CACNA1E: variants seen among roughly 807,000 people sequenced by gnomAD.
CACNA1E encodes the protein voltage-dependent R-type calcium channel subunit alpha-1E.
CACNA1E carries 40 observed loss-of-function variants against 259.2 expected under a neutral mutation model. That is an observed-to-expected ratio of 0.15 (90% CI 0.12 to 0.20). The LOEUF (loss-of-function observed/expected upper bound fraction) is 0.20, where lower values mean the gene tolerates loss of function less well. CACNA1E is among the 10% of genes least tolerant of loss of function. The pLI is 1.00. For synonymous variants in CACNA1E, 1,104 were observed against 1,138.5 expected, an observed-to-expected ratio of 0.97 and a Z score of 0.61; for missense variants, 1,874 against 3,040.1, an observed-to-expected ratio of 0.62 and a Z score of 9.02.
chr1:181,663,897 A>G (rs1392368914), intron 7 of CACNA1E, among the ~76,000 whole-genome samples: 1 of 152,234 alleles, frequency 6.6e-6, no homozygotes, highest in Non-Finnish European at 1.5e-5. Flanking sequence ...TAGTAAGGAT[A>G]TTAACCTTTT....
chr1:181,462,610 G>A (rs1434129981), intron 2 of CACNA1E, among the ~76,000 whole-genome samples: 2 of 152,082 alleles, frequency 1.3e-5, no homozygotes, highest in Non-Finnish European at 2.9e-5. Context: ...CATTTTGTAT[G>A]CTCATTCTTT....
chr1:181,547,761 T>G (rs1046391141), intron 3 of CACNA1E, among the ~76,000 whole-genome samples: 3 of 152,262 alleles, frequency 2.0e-5, no homozygotes, highest in Non-Finnish European at 4.4e-5. Flanking sequence ...ATTAGCACTT[T>G]ATTATAGCTT....
At chr1:181,718,432 G>A (rs932742201) in intron 12 of CACNA1E, among the ~76,000 whole-genome samples, 10 of 151,938 alleles carry the variant, frequency 6.6e-5, no homozygotes, top group East Asian at 1.9e-4. Context: ...GTATAGCTCC[G>A]TGAGAGTTTA....
chr1:181,755,844 T>C, intron 28 of CACNA1E, 112 bp from the exon 29 acceptor site: 3 of 1,118,788 alleles, frequency 2.7e-6, no homozygotes, highest in South Asian at 1.6e-5. Context: ...GCCTTACACA[T>C]GTATGGTGAT....
chr1:181,388,660 G>A (rs543652335), intron 1 of CACNA1E, among the ~76,000 whole-genome samples: 8 of 152,242 alleles, frequency 5.3e-5, no homozygotes, highest in African/African-American at 9.6e-5. Flanking sequence ...AGGTTGAGGC[G>A]GGTGGATCAC....
intron 16 of CACNA1E, among the ~76,000 whole-genome samples, chr1:181,723,923 G>C (rs750853522): frequency 1.3e-5 from 2 of 152,114 alleles, no homozygotes; most frequent in African/African-American, 4.8e-5. Context: ...GATTGTTATG[G>C]AGTCTTCATT....
chr1:181,741,445 A>G (rs1572762148), intron 25 of CACNA1E, among the ~76,000 whole-genome samples: 2 of 152,340 alleles, frequency 1.3e-5, no homozygotes, highest in South Asian at 4.1e-4. Context: ...TCATCCTTCC[A>G]TTCTCTTATC....
intron 30 of CACNA1E, among the ~76,000 whole-genome samples, chr1:181,757,685 A>G (rs1051733932): frequency 2.6e-5 from 4 of 152,214 alleles, no homozygotes; most frequent in Non-Finnish European, 2.9e-5. Context: ...CTGCCTAAAC[A>G]GCTCAGCCAC....
At chr1:181,508,570 G>C (rs1665914273) in intron 1 of CACNA1E, among the ~76,000 whole-genome samples, 1 of 152,208 alleles carries the variant, frequency 6.6e-6, no homozygotes, top group Non-Finnish European at 1.5e-5. Flanking sequence ...CTGGGTCCTT[G>C]TGTGGTTCCT....
chr1:181,470,160 T>C (rs1191322796), intron 2 of CACNA1E, among the ~76,000 whole-genome samples: 4 of 149,126 alleles, frequency 2.7e-5, no homozygotes, highest in African/African-American at 7.7e-5. Flanking sequence ...AGCTGCTTGA[T>C]TTATTTTAAT....
At chr1:181,419,532 T>C (rs1477483158) in intron 2 of CACNA1E, among the ~76,000 whole-genome samples, 1 of 152,208 alleles carries the variant, frequency 6.6e-6, no homozygotes, top group Non-Finnish European at 1.5e-5. Flanking sequence ...TCATAGCCCT[T>C]ATTGTTTCCC....
rs1319251128 is a variant in CACNA1E at position 181,758,125 on chromosome 1, G to A, written c.4494+14G>A. The A allele has an allele frequency of 6.2e-7, 1 of 1,611,454 alleles. No homozygotes were observed. The highest frequency in any genetic ancestry group is 1.7e-5 in the Admixed American group (1 of 59,938). On this transcript the variant is annotated intron_variant, in intron 31 of 47. Transcript: ENST00000367573. The surrounding 1 kb of genome is among the most constrained non-coding windows in gnomAD (Gnocchi z 4.2). Reference sequence around the variant, plus strand: ...CTGATGATGAAGGTGAGAGGAGAGAGGCACAAGAGCCGACTGAGCCCCAGC... The same window carrying A: ...CTGATGATGAAGGTGAGAGGAGAGAAGCACAAGAGCCGACTGAGCCCCAGC...
rs112330348 is a variant in CACNA1E, at chr1:181,575,580, C to T, written c.513-2186C>T. 6.5e-3 allele frequency among the ~76,000 whole-genome samples: 996 copies of T among 152,278 alleles called. 14 individuals carry two copies. Among genetic ancestry groups the T allele is most frequent in the African/African-American group, 0.023 (969 of 41,542 alleles). The stretch of plus-strand genomic sequence containing the variant: ...TTTGCCTTTTAATTTTATCTTTCTG[C>T]CTCTATCACCATGTTCTGAAACATA... On this transcript the variant is annotated intron_variant, in intron 3 of 47. Transcript: ENST00000367573.
chr1:181,644,235 A>G (rs1658058771), intron 6 of CACNA1E, among the ~76,000 whole-genome samples: 1 of 152,220 alleles, frequency 6.6e-6, no homozygotes, highest in Non-Finnish European at 1.5e-5. Context: ...TAAAGCAGAC[A>G]TGAAGAGTCA....
At chr1:181,689,628 C>T (rs1650937514) in intron 7 of CACNA1E, among the ~76,000 whole-genome samples, 1 of 152,192 alleles carries the variant, frequency 6.6e-6, no homozygotes, top group South Asian at 2.1e-4. Context: ...CCTCCACATC[C>T]TCTCCAGCAC....
intron 6 of CACNA1E, among the ~76,000 whole-genome samples, chr1:181,635,553 T>A (rs1657133888): frequency 6.6e-6 from 1 of 152,170 alleles, no homozygotes; most frequent in African/African-American, 2.4e-5. Flanking sequence ...ACTTCTTATT[T>A]ATATTATACT....
rs896209632 is a variant in CACNA1E at position 181,776,819 on chromosome 1, G to T, written c.5267+591G>T. On this transcript the variant is annotated intron_variant, in intron 38 of 47. Coordinates refer to ENST00000367573, the MANE Select transcript of CACNA1E (RefSeq NM_001205293.3). The surrounding 1 kb of genome is among the most constrained non-coding windows in gnomAD (Gnocchi z 4.4). ...GTCTCTTTTGCTGTTTAGTAGTTCT[G>T]AAGTGATAGCGTGCCTTCTAGGCTC... Among the ~76,000 whole-genome samples the T allele has an allele frequency of 6.6e-6, 1 of 152,220 alleles. No individual in the cohort carries two copies. The highest frequency in any genetic ancestry group is 1.5e-5 in the Non-Finnish European group (1 of 68,044).
At chr1:181,506,195 C>T (rs988960581) in intron 1 of CACNA1E, among the ~76,000 whole-genome samples, 3 of 152,212 alleles carry the variant, frequency 2.0e-5, no homozygotes, top group Non-Finnish European at 2.9e-5. Flanking sequence ...TCGGAGCTCC[C>T]TTTGACCTTT....
At chr1:181,767,147 T>A (rs1004580024) in intron 35 of CACNA1E, among the ~76,000 whole-genome samples, 4 of 152,184 alleles carry the variant, frequency 2.6e-5, no homozygotes, top group Non-Finnish European at 4.4e-5. Context: ...CTCATGGAGT[T>A]CCTGGCAGCC....
Sources: allele counts gnomAD v4.1 joint callset (sites outside exome capture counted in the v4.1 genomes callset), GRCh38; gene constraint gnomAD v4.1.1; non-coding constraint Gnocchi (gnomAD v3.1); transcripts MANE v1.5; gene names NCBI Gene and HGNC (gene_info 2026-07-23, HGNC 2026-07-21).